Variants in WHRN observed in about 807,000 individuals in gnomAD.
WHRN encodes whirlin.
In WHRN, 41 loss-of-function variants were observed where a neutral mutation model predicts 68.3. The ratio of observed to expected loss-of-function variants is 0.60; its 90% CI spans 0.47 to 0.78. WHRN has a LOEUF of 0.78. Ranked by LOEUF, WHRN falls within the 30% of genes least tolerant of loss-of-function variation. The pLI is 0.00. For synonymous variants in WHRN, 560 were observed against 561.3 expected, an observed-to-expected ratio of 1.00 and a Z score of 0.03; for missense variants, 1,243 against 1,244.7, an observed-to-expected ratio of 1.00 and a Z score of 0.02.
chr9:114,464,751 T>C (rs1319182135), intron 3 of WHRN, among the ~76,000 whole-genome samples: 1 of 152,024 alleles, frequency 6.6e-6, no homozygotes, highest in Non-Finnish European at 1.5e-5. Flanking sequence ...AAGTTAATGA[T>C]GTAAAACACT....
Position 114,407,387 on chromosome 9 carries a change from G to A in WHRN, c.1699-495C>T, listed in dbSNP as rs557383259. On this transcript the variant is annotated intron_variant, in intron 8 of 11. Coordinates refer to ENST00000362057, the MANE Select transcript of WHRN (RefSeq NM_015404.4). ...CTCTGAGTGCACCTCTGGGCAATGG[G>A]GAAAAGCACATCTACCCAGCAGAGG... Among the ~76,000 whole-genome samples, 26 of 152,210 alleles carry A rather than the reference G, an allele frequency of 1.7e-4. 1 individual carries two copies. The South Asian group carries it at 5.4e-3, about 32-fold the overall frequency.
chr9:114,426,957 T>C (rs1047063398), intron 3 of WHRN, among the ~76,000 whole-genome samples: 2 of 152,236 alleles, frequency 1.3e-5, no homozygotes, highest in Non-Finnish European at 2.9e-5. Flanking sequence ...GGAGGCAGCT[T>C]TATTTTGTAA....
chr9:114,431,049 T>C (rs79202271), intron 3 of WHRN, among the ~76,000 whole-genome samples: 105 of 152,106 alleles, frequency 6.9e-4, no homozygotes, highest in African/African-American at 2.5e-3. Context: ...TGATGTAGAG[T>C]CCACAAACCA....
chr9:114,438,439 C>T lies in WHRN; in HGVS notation c.964-12026G>A, dbSNP rs140263091. 4.3e-3 allele frequency among the ~76,000 whole-genome samples: 654 copies of T among 151,674 alleles called. 3 individuals carry two copies. The highest frequency in any genetic ancestry group is 0.015 in the African/African-American group (620 of 41,362). On this transcript the variant is annotated intron_variant, in intron 3 of 11. Coordinates refer to ENST00000362057, the MANE Select transcript of WHRN (RefSeq NM_015404.4). ...GATGGTCCAACACTTAACGGAATCC[C>T]ACTTTCTTTTTTTTCTTTTTTTTTT...
At chr9:114,444,147 C>G (rs1180664117) in intron 3 of WHRN, among the ~76,000 whole-genome samples, 1 of 152,196 alleles carries the variant, frequency 6.6e-6, no homozygotes, top group Non-Finnish European at 1.5e-5. Flanking sequence ...AACTCCCGTA[C>G]CCCATCTAGA....
chr9:114,462,088 T>C (rs1840291058), intron 3 of WHRN, among the ~76,000 whole-genome samples: 1 of 152,208 alleles, frequency 6.6e-6, no homozygotes, highest in East Asian at 1.9e-4. Flanking sequence ...TTACTGGTTT[T>C]GGCATCTCTT....
intron 3 of WHRN, 27 bp from the exon 4 acceptor site, chr9:114,426,440 C>T (rs1836868321): frequency 1.9e-6 from 3 of 1,612,848 alleles, no homozygotes; most frequent in South Asian, 2.2e-5. Context: ...ACAATACAGT[C>T]ACCTGGGCTG....
intron 3 of WHRN, among the ~76,000 whole-genome samples, chr9:114,429,606 G>T (rs1353111178): frequency 6.6e-6 from 1 of 152,222 alleles, no homozygotes; most frequent in Non-Finnish European, 1.5e-5. Flanking sequence ...GGGCCCCTGA[G>T]AACTTCGGCA....
chr9:114,492,990 C>T (rs111959282), intron 1 of WHRN, among the ~76,000 whole-genome samples: 3,330 of 152,068 alleles, frequency 0.022, 37 homozygotes, highest in African/African-American at 0.035. Context: ...GCACTCCAGC[C>T]CGGGTGACTG....
intron 2 of WHRN, among the ~76,000 whole-genome samples, chr9:114,476,270 A>C (rs970674473): frequency 6.6e-6 from 1 of 151,932 alleles, no homozygotes; most frequent in African/African-American, 2.4e-5. Context: ...GCCCAGCCCC[A>C]CATTCTTATA....
rs547267305 is a variant in WHRN at position 114,459,409 on chromosome 9, G to A, written c.963+6858C>T. ...AACCTGGGGGTGGAGATTGCAGTGA[G>A]CTGAGATCATGCCACTACACTCCAG... On this transcript the variant is annotated intron_variant, in intron 3 of 11. Transcript: ENST00000362057. 3.3e-3 allele frequency among the ~76,000 whole-genome samples: 499 copies of A among 152,290 alleles called. 4 individuals carry two copies. Among genetic ancestry groups the A allele is most frequent in the African/African-American group, 0.012 (480 of 41,556 alleles).
intron 7 of WHRN, among the ~76,000 whole-genome samples, chr9:114,418,962 A>G (rs2132306984): frequency 6.6e-6 from 1 of 152,352 alleles, no homozygotes; most frequent in South Asian, 2.1e-4. Flanking sequence ...GTATCCCCAG[A>G]ACCTCAAAAT....
intron 7 of WHRN, among the ~76,000 whole-genome samples, chr9:114,412,433 C>T (rs1835514616): frequency 6.6e-6 from 1 of 152,210 alleles, no homozygotes; most frequent in African/African-American, 2.4e-5. Context: ...GACCTGGCGG[C>T]TCCATTAATC....
At chr9:114,496,190 C>T (rs897415943) in intron 1 of WHRN, among the ~76,000 whole-genome samples, 3 of 152,216 alleles carry the variant, frequency 2.0e-5, no homozygotes, top group Non-Finnish European at 2.9e-5. Flanking sequence ...TGCTGGGAAA[C>T]GAAGTTATGG....
intron 3 of WHRN, among the ~76,000 whole-genome samples, chr9:114,463,083 C>A (rs1840378381): frequency 6.6e-6 from 1 of 152,218 alleles, no homozygotes; most frequent in Non-Finnish European, 1.5e-5. Context: ...TCACCAAGGA[C>A]ACTATGGCAC....
intron 3 of WHRN, among the ~76,000 whole-genome samples, chr9:114,449,023 A>G (rs892610426): frequency 6.6e-6 from 1 of 152,154 alleles, no homozygotes; most frequent in Non-Finnish European, 1.5e-5. Flanking sequence ...CAAGTGCCCA[A>G]AGCACTGCCC....
At chr9:114,428,775 T>C (rs943222861) in intron 3 of WHRN, among the ~76,000 whole-genome samples, 1 of 152,032 alleles carries the variant, frequency 6.6e-6, no homozygotes, top group Non-Finnish European at 1.5e-5. Flanking sequence ...ACTCTGCCTT[T>C]ACCCCCCTGA....
chr9:114,408,147 C>A, intron 7 of WHRN, 129 bp from the exon 8 acceptor site: 1 of 750,608 alleles, frequency 1.3e-6, no homozygotes, highest in Non-Finnish European at 2.4e-6. Context: ...CCCTGACATA[C>A]CTCACTTCAT....
At position 114,406,653 on chromosome 9, in the gene WHRN, G is replaced by T. The variant is rs144952955; in HGVS notation, c.1938C>A (p.Pro646=). 1.2e-5 allele frequency: 20 copies of T among 1,613,664 alleles called. 1 individual carries two copies. The African/African-American group carries it at 2.5e-4, about 20-fold the overall frequency. The change falls in exon 9 of 12, where the codon CCC becomes CCA. Residue 646 remains proline, a synonymous_variant. Coordinates refer to ENST00000362057, the MANE Select transcript of WHRN (RefSeq NM_015404.4). ...AGACGGAGGCATAGATGGGGGAAGA[G>T]GGCAAGTCCTGTGCAGAGGAGGTCC... is the stretch of plus-strand genomic sequence containing the variant. ...TPGTSSAQDL[P]SSPIYASVSP... is the part of the protein sequence containing the mutation.
Sources: gnomAD v4.1 joint callset for allele counts (sites outside exome capture counted in the v4.1 genomes callset) on GRCh38, gnomAD v4.1.1 for gene constraint, MANE v1.5 for transcripts, NCBI Gene and HGNC (gene_info 2026-07-23, HGNC 2026-07-21) for gene names.